The following ASPRV1 variants were observed in gnomAD, a reference collection of about 807,000 sequenced individuals.
The protein encoded by ASPRV1 is aspartic peptidase retroviral like 1, also known as retroviral-like aspartic protease 1.
ASPRV1 carries 7 observed loss-of-function variants against 11.0 expected under a neutral mutation model. The ratio of observed to expected loss-of-function variants is 0.64; its 90% CI spans 0.36 to 1.20. ASPRV1 has a LOEUF of 1.20. Ranked by LOEUF, ASPRV1 falls within the 50% of genes most tolerant of loss-of-function variation. The pLI, the probability that ASPRV1 is intolerant of heterozygous loss-of-function variation, is 0.02. For synonymous variants in ASPRV1, 136 were observed against 138.4 expected (o/e 0.98, Z 0.12); for missense variants, 299 against 320.0 (o/e 0.93, Z 0.50).
chr2:69,978,357 G>A, the ASPRV1 span, among the ~76,000 whole-genome samples: 1 of 152,160 alleles, frequency 6.6e-6, no homozygotes, highest in African/African-American at 2.4e-5. Flanking sequence ...CCATAGAGGG[G>A]ACACAACCCG....
At chr2:69,977,879 T>C in the ASPRV1 span, among the ~76,000 whole-genome samples, 3 of 152,192 alleles carry the variant, frequency 2.0e-5, no homozygotes, top group Admixed American at 1.3e-4. Context: ...GTGGGACCTG[T>C]TGGTGTCACC....
chr2:69,982,744 G>A, the ASPRV1 span, among the ~76,000 whole-genome samples: 1 of 152,110 alleles, frequency 6.6e-6, no homozygotes, highest in Non-Finnish European at 1.5e-5. Context: ...TCTCAGGCCT[G>A]CAGCTGGTCA....
chr2:70,082,523 C>G, the ASPRV1 span, among the ~76,000 whole-genome samples: 1 of 152,074 alleles, frequency 6.6e-6, no homozygotes, highest in African/African-American at 2.4e-5. Context: ...CCAGCCTGAC[C>G]AACATGGAGA....
chr2:70,047,273 C>G, the ASPRV1 span, among the ~76,000 whole-genome samples: 1 of 152,132 alleles, frequency 6.6e-6, no homozygotes, highest in African/African-American at 2.4e-5. Flanking sequence ...GATTCCACAG[C>G]CAGCAATTAA....
the ASPRV1 span, among the ~76,000 whole-genome samples, chr2:70,006,634 G>A: frequency 2.0e-5 from 3 of 152,070 alleles, no homozygotes. Flanking sequence ...CTGAAGCCCT[G>A]GCCAAAGCAG....
At chr2:69,981,784 C>T in the ASPRV1 span, among the ~76,000 whole-genome samples, 13 of 152,214 alleles carry the variant, frequency 8.5e-5, no homozygotes, top group Admixed American at 3.9e-4. Flanking sequence ...GTCCTGAACT[C>T]ATGACCTCAA....
At chr2:69,933,214 A>C in the ASPRV1 span, among the ~76,000 whole-genome samples, 17 of 151,336 alleles carry the variant, frequency 1.1e-4, no homozygotes, top group South Asian at 1.0e-3. Context: ...AAAAAAAAAA[A>C]AAAAAAAAAA....
the ASPRV1 span, among the ~76,000 whole-genome samples, chr2:69,946,726 CAACA>C: frequency 6.6e-6 from 1 of 152,126 alleles, no homozygotes; most frequent in Non-Finnish European, 1.5e-5. Context: ...GCTGTTTAGA[CAACA>C]AACAGTAGGC....
the ASPRV1 span, among the ~76,000 whole-genome samples, chr2:70,033,764 T>A: frequency 6.6e-6 from 1 of 152,188 alleles, no homozygotes; most frequent in Non-Finnish European, 1.5e-5. Context: ...TATCTCTCTA[T>A]ATCAACTCTC....
the ASPRV1 span, among the ~76,000 whole-genome samples, chr2:69,991,738 G>T: frequency 6.6e-6 from 1 of 152,056 alleles, no homozygotes; most frequent in Admixed American, 6.6e-5. Flanking sequence ...GTAGAGAGGG[G>T]TTTCACCATG....
the ASPRV1 span, among the ~76,000 whole-genome samples, chr2:70,039,242 C>T: frequency 3.3e-5 from 5 of 152,252 alleles, no homozygotes; most frequent in South Asian, 1.0e-3. Context: ...TTATCCCAAA[C>T]CTTTGATAAA....
the ASPRV1 span, chr2:70,077,293 T>C: frequency 6.6e-6 from 1 of 152,184 alleles, no homozygotes; most frequent in African/African-American, 2.4e-5. Flanking sequence ...AAAGGGTTGT[T>C]TTCTTACCTA....
chr2:70,023,645 G>A, the ASPRV1 span, among the ~76,000 whole-genome samples: 2 of 148,986 alleles, frequency 1.3e-5, no homozygotes, highest in African/African-American at 5.0e-5. Context: ...CTGTACTCCA[G>A]CCTGGGCAAC....
chr2:70,004,635 C>T, the ASPRV1 span, among the ~76,000 whole-genome samples: 1 of 151,176 alleles, frequency 6.6e-6, no homozygotes, highest in African/African-American at 2.4e-5. Flanking sequence ...AGAAGATAGA[C>T]TACCTGAGTC....
chr2:69,967,026 T>TTGAGCA, the ASPRV1 span, among the ~76,000 whole-genome samples: 23 of 152,198 alleles, frequency 1.5e-4, no homozygotes, highest in Non-Finnish European at 2.2e-4. Flanking sequence ...CACACATGTA[T>TTGAGCA]TGAGCACCTA....
the ASPRV1 span, among the ~76,000 whole-genome samples, chr2:69,974,969 CTG>C: frequency 1.3e-5 from 2 of 152,214 alleles, no homozygotes; most frequent in Admixed American, 6.5e-5. Flanking sequence ...CTGCAACAAG[CTG>C]TGTCTGACAG....
At chr2:69,990,024 C>T in the ASPRV1 span, among the ~76,000 whole-genome samples, 1 of 152,180 alleles carries the variant, frequency 6.6e-6, no homozygotes, top group East Asian at 1.9e-4. Context: ...CGGAAATCCT[C>T]GCAGGTGTGT....
the ASPRV1 span, among the ~76,000 whole-genome samples, chr2:69,984,392 A>T: frequency 1.3e-5 from 2 of 152,300 alleles, no homozygotes; most frequent in South Asian, 4.1e-4. Flanking sequence ...ATCCAAACTG[A>T]TACCTCATGC....
the ASPRV1 span, chr2:70,081,417 C>G: frequency 1.3e-5 from 2 of 151,972 alleles, no homozygotes; most frequent in East Asian, 1.9e-4. Context: ...ATCACTTGAA[C>G]CCGGGAAGCA....
Sources: gnomAD v4.1 joint callset for allele counts (sites outside exome capture counted in the v4.1 genomes callset) on GRCh38, gnomAD v4.1.1 for gene constraint, MANE v1.5 for transcripts, NCBI Gene and HGNC (gene_info 2026-07-23, HGNC 2026-07-21) for gene names.